Variants in PALLD observed in about 807,000 individuals in gnomAD.
The protein encoded by PALLD is palladin.
Under a neutral mutation model 123.5 loss-of-function variants are expected in PALLD, and 61 were observed. That is an observed-to-expected ratio of 0.49 (90% CI 0.40 to 0.61). PALLD has a LOEUF of 0.61. PALLD is among the 20% of genes least tolerant of loss of function. The probability of loss-of-function intolerance (pLI) is 0.00; values close to 1 mark genes in which losing one functional copy is unlikely to be tolerated. For missense variants in PALLD, 1,273 were observed against 1,377.0 expected (o/e 0.92, Z 1.20); for synonymous variants, 465 against 496.4 (o/e 0.94, Z 0.84).
rs149397323 is a variant in PALLD, at chr4:168,896,825, T to G, written c.2250+226T>G. ...TATTTATTTATTTTTACTTTATGTA[T>G]TTATTTATTTATTTATTTATTTTGA... On this transcript the variant is annotated intron_variant, in intron 13 of 21. Coordinates refer to ENST00000505667, the MANE Select transcript of PALLD (RefSeq NM_001166108.2). Among the ~76,000 whole-genome samples the G allele has an allele frequency of 1.7e-3, 253 of 151,960 alleles. 2 individuals are homozygous for G. In the East Asian group the frequency reaches 0.036, roughly 22 times the overall value.
chr4:168,513,451 G>A (rs6841109), intron 2 of PALLD, among the ~76,000 whole-genome samples: 10,323 of 152,172 alleles, frequency 0.068, 614 homozygotes, highest in African/African-American at 0.16. Flanking sequence ...AAATGTTAAG[G>A]GGAAAGAGAT....
intron 2 of PALLD, among the ~76,000 whole-genome samples, chr4:168,657,258 G>A (rs564403466): frequency 2.6e-4 from 39 of 152,192 alleles, no homozygotes; most frequent in Admixed American, 7.2e-4. Flanking sequence ...AAAAAGTTCT[G>A]TTTAACTTTC....
At chr4:168,715,173 C>T (rs1475327376) in intron 10 of PALLD, among the ~76,000 whole-genome samples, 1 of 151,968 alleles carries the variant, frequency 6.6e-6, no homozygotes, top group East Asian at 1.9e-4. Context: ...GGTTCCTGGC[C>T]CAGTCTGTGG....
At chr4:168,546,629 G>A (rs1334029771) in intron 2 of PALLD, among the ~76,000 whole-genome samples, 1 of 152,112 alleles carries the variant, frequency 6.6e-6, no homozygotes, top group Non-Finnish European at 1.5e-5. Flanking sequence ...ACTTTCCATA[G>A]GTGCCGAAAT....
At chr4:168,879,519 A>G (rs114001700) in intron 10 of PALLD, among the ~76,000 whole-genome samples, 248 of 152,316 alleles carry the variant, frequency 1.6e-3, no homozygotes, top group African/African-American at 5.7e-3. Flanking sequence ...AAAGGAGAAG[A>G]TCTTAGAATT....
At chr4:168,668,502 A>G in intron 3 of PALLD, 134 bp downstream of exon 3, 1 of 649,590 alleles carries the variant, frequency 1.5e-6, no homozygotes, top group Non-Finnish European at 2.5e-6. Flanking sequence ...CATTTCCCTG[A>G]AAACCTTTAT....
In PALLD at chr4:168,771,383, A is replaced by G. The variant is rs1010219133; in HGVS notation, c.1964+59460A>G. Among the ~76,000 whole-genome samples, 3 of 152,202 alleles carry G rather than the reference A, an allele frequency of 2.0e-5. No individual in the cohort carries two copies. In the East Asian group the frequency reaches 5.8e-4, roughly 29 times the overall value. ...GTATAATGTCTTTGCCTCAACTTCAAAAATGCACAGTTGTTGAGAGCCTGG... is the reference window on the plus strand; with the variant it reads ...GTATAATGTCTTTGCCTCAACTTCAGAAATGCACAGTTGTTGAGAGCCTGG... On this transcript the variant is annotated intron_variant, in intron 10 of 21. Coordinates refer to ENST00000505667, the MANE Select transcript of PALLD (RefSeq NM_001166108.2).
intron 10 of PALLD, among the ~76,000 whole-genome samples, chr4:168,723,151 A>T (rs774025305): frequency 6.6e-6 from 1 of 152,200 alleles, no homozygotes; most frequent in East Asian, 1.9e-4. Flanking sequence ...TGTTAGAAGG[A>T]ACATTAACAT....
intron 2 of PALLD, among the ~76,000 whole-genome samples, chr4:168,518,500 G>A (rs1024952469): frequency 6.6e-6 from 1 of 152,154 alleles, no homozygotes; most frequent in East Asian, 1.9e-4. Context: ...CAGTCACAGT[G>A]GGGTTCTTGG....
intron 2 of PALLD, among the ~76,000 whole-genome samples, chr4:168,602,734 AG>A (rs2149731283): frequency 6.6e-6 from 1 of 152,272 alleles, no homozygotes; most frequent in Non-Finnish European, 1.5e-5. Flanking sequence ...TGGTTCCTGG[AG>A]GGCGGCTTTG....
At chr4:168,877,131 A>T (rs1751853503) in intron 10 of PALLD, among the ~76,000 whole-genome samples, 1 of 152,226 alleles carries the variant, frequency 6.6e-6, no homozygotes, top group Admixed American at 6.5e-5. Context: ...GAAATTCGCA[A>T]TTCAGTTTAC....
At chr4:168,725,661 G>A (rs1300764076) in intron 10 of PALLD, among the ~76,000 whole-genome samples, 2 of 151,236 alleles carry the variant, frequency 1.3e-5, no homozygotes, top group Non-Finnish European at 2.9e-5. Flanking sequence ...CGAGTAGCTG[G>A]GACTACAGGC....
Position 168,683,104 on chromosome 4 carries a change from G to A in PALLD, c.1260+1G>A. ...ACCACTGTCTGTCCCTGTGCAACAG[G>A]TAAGTATGCTTTGAGCCAGAGCCCA... On this transcript the variant is annotated splice_donor_variant, in intron 5 of 21. Transcript: ENST00000505667. LOFTEE classifies it high-confidence loss of function. 1 of 1,581,602 alleles carries A rather than the reference G, an allele frequency of 6.3e-7. No individual in the cohort carries two copies. Among genetic ancestry groups the A allele is most frequent in the Non-Finnish European group, 8.7e-7 (1 of 1,150,762 alleles).
chr4:168,903,930 C>T, intron 15 of PALLD, 24 bp downstream of exon 15: 1 of 1,608,512 alleles, frequency 6.2e-7, no homozygotes, highest in Non-Finnish European at 8.5e-7. Flanking sequence ...TAGGTCTGGG[C>T]TCAGTTCTGT....
chr4:168,497,754 C>T (rs1341971042), intron 1 of PALLD, among the ~76,000 whole-genome samples: 1 of 152,182 alleles, frequency 6.6e-6, no homozygotes, highest in Non-Finnish European at 1.5e-5. Context: ...AATTTACATA[C>T]ATATTTTTAA....
chr4:168,692,721 A>G (rs1389286742), intron 8 of PALLD, among the ~76,000 whole-genome samples: 1 of 152,260 alleles, frequency 6.6e-6, no homozygotes, highest in Non-Finnish European at 1.5e-5. Context: ...AAATAAGGCT[A>G]AAATTTTGAG....
At position 168,924,273 on chromosome 4, in the gene PALLD, C is replaced by T; in HGVS notation, c.3077C>T (p.Pro1026Leu). 1 of 1,613,822 alleles carries T rather than the reference C, an allele frequency of 6.2e-7. No individual in the cohort carries two copies. The highest frequency in any genetic ancestry group is 8.5e-7 in the Non-Finnish European group (1 of 1,179,824). The change falls in exon 19 of 22, where the codon CCC becomes CTC. Residue 1026 changes from proline (P) to leucine (L), a missense_variant. This residue lies in a region of PALLD where 329 missense variants were observed against 422.5 expected (regional missense o/e 0.78). Transcript: ENST00000505667. ...TTCTTAGCTAAAGAAGCACACAAAC[C>T]CCCTGTGTTTATTGAGAAGCTCCAA... The part of the protein sequence containing the change: ...LVVAAKEAHK[P>L]PVFIEKLQNT...
At chr4:168,592,018 ATTT>A (rs10672786) in intron 2 of PALLD, among the ~76,000 whole-genome samples, 1 of 138,966 alleles carries the variant, frequency 7.2e-6, no homozygotes, top group Non-Finnish European at 1.5e-5. Flanking sequence ...ACTATTATGG[ATTT>A]TTTTTTTTTT....
At chr4:168,621,846 T>C (rs975747238) in intron 2 of PALLD, among the ~76,000 whole-genome samples, 8 of 152,114 alleles carry the variant, frequency 5.3e-5, no homozygotes, top group Non-Finnish European at 1.5e-5. Flanking sequence ...CTCCTGAATT[T>C]ATGTAGGGAT....
Sources: gnomAD v4.1 joint callset for allele counts (sites outside exome capture counted in the v4.1 genomes callset) on GRCh38, gnomAD v4.1.1 for gene constraint, gnomAD v4.1.1 regional missense constraint, MANE v1.5 for transcripts, NCBI Gene and HGNC (gene_info 2026-07-23, HGNC 2026-07-21) for gene names.